AHI1: variants seen among roughly 807,000 people sequenced by gnomAD.
AHI1 encodes jouberin.
In AHI1, 123 loss-of-function variants were observed where a neutral mutation model predicts 149.3. The observed-to-expected ratio is 0.82, with a 90% CI of 0.71 to 0.96. AHI1 has a LOEUF of 0.96. Among genes scored for constraint, AHI1 ranks in the 40% least tolerant of loss-of-function variants. AHI1 has a pLI of 0.00. For synonymous variants in AHI1, 475 were observed against 459.8 expected (o/e 1.03, Z -0.42); for missense variants, 1,439 against 1,422.7 (o/e 1.01, Z -0.18).
intron 21 of AHI1, among the ~76,000 whole-genome samples, chr6:135,410,533 T>G (rs535961892): frequency 2.3e-4 from 35 of 152,322 alleles, no homozygotes; most frequent in Admixed American, 2.1e-3. Context: ...AACCATAGTT[T>G]TCACCTATCT....
intron 23 of AHI1, among the ~76,000 whole-genome samples, chr6:135,371,762 C>T (rs1775100463): frequency 6.6e-6 from 1 of 152,120 alleles, no homozygotes; most frequent in Non-Finnish European, 1.5e-5. Flanking sequence ...GAGTATATAT[C>T]AGAATGAAGT....
intron 27 of AHI1, among the ~76,000 whole-genome samples, chr6:135,293,953 T>C (rs1399122621): frequency 6.6e-6 from 1 of 152,180 alleles, no homozygotes; most frequent in Non-Finnish European, 1.5e-5. Flanking sequence ...GGAGGACTAA[T>C]ATTACCTGAT....
At chr6:135,300,245 A>C (rs1783683051) in intron 27 of AHI1, among the ~76,000 whole-genome samples, 1 of 150,246 alleles carries the variant, frequency 6.7e-6, no homozygotes, top group Non-Finnish European at 1.5e-5. Flanking sequence ...GAACTGCTTG[A>C]GCCCAGGAGG....
chr6:135,301,645 A>G, intron 26 of AHI1: 3 of 985,478 alleles, frequency 3.0e-6, no homozygotes, highest in Non-Finnish European at 3.6e-6. Flanking sequence ...TAAGTCAAGC[A>G]TAATAAAAAC....
At position 135,495,868 on chromosome 6, in the gene AHI1, C is replaced by A. The variant is rs1795892944; in HGVS notation, c.-109G>T. On this transcript the variant is annotated 5_prime_UTR_variant, in exon 3 of 29. Coordinates refer to ENST00000265602, the MANE Select transcript of AHI1 (RefSeq NM_001134831.2). ...TTTCTAATCCTTGGTTTTTCCTTGT[C>A]TGGGAATTTAAAATGGCACCTATTT... The A allele has an allele frequency of 6.6e-6, 1 of 152,100 alleles. No individual in the cohort carries two copies. Among genetic ancestry groups the A allele is most frequent in the African/African-American group, 2.4e-5 (1 of 41,404 alleles). 9.4% of individuals were successfully genotyped at this position (152,100 alleles called of 1,614,324 possible).
At position 135,304,200 on chromosome 6, in the gene AHI1, G is replaced by A. The variant is rs370692876; in HGVS notation, c.3427-3642C>T. Among the ~76,000 whole-genome samples, 68 of 152,180 alleles carry A rather than the reference G, an allele frequency of 4.5e-4. 1 individual carries two copies. In the South Asian group the frequency reaches 0.013, roughly 29 times the overall value. On this transcript the variant is annotated intron_variant, in intron 26 of 28. Coordinates refer to ENST00000265602, the MANE Select transcript of AHI1 (RefSeq NM_001134831.2). ...CTCTTGAGTAGCTGGGACTACAGGT[G>A]TATGCCATCATGTCTAATTTTTTTG...
At chr6:135,356,098 G>A (rs1792924682) in intron 24 of AHI1, among the ~76,000 whole-genome samples, 1 of 152,174 alleles carries the variant, frequency 6.6e-6, no homozygotes, top group African/African-American at 2.4e-5. Flanking sequence ...TGGGAATTGA[G>A]GGTTAGGTCT....
intron 23 of AHI1, among the ~76,000 whole-genome samples, chr6:135,365,840 T>A (rs1774091721): frequency 6.6e-6 from 1 of 152,252 alleles, no homozygotes; most frequent in Non-Finnish European, 1.5e-5. Flanking sequence ...GGACTTCCAG[T>A]ATTATGTTGA....
chr6:135,405,085 A>T lies in AHI1; in HGVS notation c.2962-108T>A, dbSNP rs577375315. ...TCTAATAACCTAAATCAGCATTTGG[A>T]AGTTTCTTTATCCATTATCCTGCCG... is the stretch of plus-strand genomic sequence containing the variant. On this transcript the variant is annotated intron_variant, in intron 21 of 28. Transcript: ENST00000265602. The T allele has an allele frequency of 1.4e-4, 124 of 904,000 alleles. 1 individual carries two copies. Among genetic ancestry groups the T allele is most frequent in the Non-Finnish European group, 2.0e-4 (119 of 591,536 alleles). The allele number at this position is 904,000 out of a possible 1,614,324, so 56.0% of individuals were successfully genotyped here.
intron 20 of AHI1, among the ~76,000 whole-genome samples, chr6:135,412,647 A>C (rs1781769541): frequency 6.6e-6 from 1 of 152,226 alleles, no homozygotes; most frequent in Non-Finnish European, 1.5e-5. Flanking sequence ...TTGATCATTT[A>C]AAACACATGA....
chr6:135,398,107 T>C (rs1404542144), intron 22 of AHI1, among the ~76,000 whole-genome samples: 3 of 139,602 alleles, frequency 2.1e-5, no homozygotes, highest in African/African-American at 7.9e-5. Context: ...TTGTAAAAAT[T>C]AAAATATCAG....
intron 20 of AHI1, among the ~76,000 whole-genome samples, chr6:135,418,811 T>C (rs1782737720): frequency 6.6e-6 from 1 of 152,100 alleles, no homozygotes; most frequent in South Asian, 2.1e-4. Context: ...CTAATTTCTT[T>C]AGCTATAAAC....
intron 24 of AHI1, among the ~76,000 whole-genome samples, chr6:135,345,710 C>T (rs969701440): frequency 7.9e-5 from 12 of 151,908 alleles, no homozygotes; most frequent in East Asian, 7.7e-4. Context: ...GGGGGGGCAA[C>T]GAATGTTTTA....
At chr6:135,387,084 T>C (rs978026377) in intron 23 of AHI1, among the ~76,000 whole-genome samples, 1 of 152,102 alleles carries the variant, frequency 6.6e-6, no homozygotes, top group African/African-American at 2.4e-5. Flanking sequence ...AGCTTCGTCA[T>C]GTTGCCCAAG....
At chr6:135,439,535 T>C (rs1785935589) in intron 14 of AHI1, among the ~76,000 whole-genome samples, 1 of 152,154 alleles carries the variant, frequency 6.6e-6, no homozygotes, top group South Asian at 2.1e-4. Flanking sequence ...TTCCTTTGAC[T>C]GAAAAGGTGA....
chr6:135,492,085 A>G (rs549613820), intron 4 of AHI1, 143 bp downstream of exon 4: 58 of 529,236 alleles, frequency 1.1e-4, no homozygotes, highest in African/African-American at 6.0e-4. Context: ...TACAAAACCA[A>G]TAAGTATCTC....
At chr6:135,383,226 C>CTTTTTTTTTTTTTTTTTTTTTTTTTTTT (rs764546253) in intron 23 of AHI1, among the ~76,000 whole-genome samples, 1 of 76,870 alleles carries the variant, frequency 1.3e-5, no homozygotes, top group Non-Finnish European at 2.2e-5. Context: ...TCCCCCCTCC[C>CTTTTTTTTTTTTTTTTTTTTTTTTTTTT]TTTTTTTTTT....
At chr6:135,414,748 T>C (rs2127982642) in intron 20 of AHI1, among the ~76,000 whole-genome samples, 1 of 152,228 alleles carries the variant, frequency 6.6e-6, no homozygotes, top group South Asian at 2.1e-4. Flanking sequence ...TAGCACTGCA[T>C]GTATATTAGA....
chr6:135,451,005 C>CTT lies in AHI1; in HGVS notation c.1440+2334_1440+2335dup, dbSNP rs5880252. ...TTTTAATTGTCTTCATGCCACTTCC[C>CTT]TTTTTTTTTGAGATGGAGTCTCACT... On this transcript the variant is annotated intron_variant, in intron 11 of 28. Coordinates refer to ENST00000265602, the MANE Select transcript of AHI1 (RefSeq NM_001134831.2). Among the ~76,000 whole-genome samples, 4 of 150,534 alleles carry CTT rather than the reference C, an allele frequency of 2.7e-5. No individual in the cohort carries two copies. The East Asian group carries it at 5.9e-4, about 22-fold the overall frequency.
Sources: allele counts gnomAD v4.1 joint callset (sites outside exome capture counted in the v4.1 genomes callset), GRCh38; gene constraint gnomAD v4.1.1; transcripts MANE v1.5; gene names NCBI Gene and HGNC (gene_info 2026-07-23, HGNC 2026-07-21).